The following ANGPT1 variants were observed in gnomAD, a reference collection of about 807,000 sequenced individuals.
ANGPT1 encodes the protein angiopoietin-1.
A neutral mutation model predicts 62.2 loss-of-function variants in ANGPT1; 17 were observed. That is an observed-to-expected ratio of 0.27 (90% CI 0.19 to 0.41). The LOEUF (loss-of-function observed/expected upper bound fraction) is 0.41. Among genes scored for constraint, ANGPT1 ranks in the 10% least tolerant of loss-of-function variants. The pLI is 1.00. For missense variants in ANGPT1, 478 were observed against 594.9 expected, an observed-to-expected ratio of 0.80 and a Z score of 2.04; for synonymous variants, 199 against 198.9, an observed-to-expected ratio of 1.00 and a Z score of 0.00.
intron 1 of ANGPT1, among the ~76,000 whole-genome samples, chr8:107,461,140 C>G (rs1812060875): frequency 6.6e-6 from 1 of 152,126 alleles, no homozygotes; most frequent in South Asian, 2.1e-4. Context: ...TTGTCACTAT[C>G]TTATTTATTT....
At chr8:107,462,350 C>T (rs990127480) in intron 1 of ANGPT1, among the ~76,000 whole-genome samples, 1 of 151,568 alleles carries the variant, frequency 6.6e-6, no homozygotes, top group Non-Finnish European at 1.5e-5. Flanking sequence ...ATAATTCAAG[C>T]CTCTTGTGAA....
In ANGPT1 at chr8:107,381,160, C is replaced by A. The variant is rs376264439; in HGVS notation, c.298-34063G>T. On this transcript the variant is annotated intron_variant, in intron 1 of 8. Coordinates refer to ENST00000517746, the MANE Select transcript of ANGPT1 (RefSeq NM_001146.5). ...CTCTTTCTGGTTTTATTGGAAGTTT[C>A]TTCAAATGGCTGTGGTAAATTTCAA... 5.3e-5 allele frequency among the ~76,000 whole-genome samples: 8 copies of A among 152,260 alleles called. No homozygotes were observed. In the East Asian group the frequency reaches 9.6e-4, roughly 18 times the overall value.
intron 1 of ANGPT1, among the ~76,000 whole-genome samples, chr8:107,377,009 A>G (rs1274213794): frequency 6.6e-6 from 1 of 152,082 alleles, no homozygotes; most frequent in African/African-American, 2.4e-5. Flanking sequence ...ATCACAGCTC[A>G]TCACTGATTA....
At chr8:107,349,376 T>A (rs1432645825) in intron 1 of ANGPT1, among the ~76,000 whole-genome samples, 1 of 152,098 alleles carries the variant, frequency 6.6e-6, no homozygotes, top group Non-Finnish European at 1.5e-5. Flanking sequence ...ACAACCAAGA[T>A]TTTGGATTGT....
In ANGPT1 at chr8:107,261,635, G is replaced by C. The variant is rs185663129; in HGVS notation, c.1336+2586C>G. On this transcript the variant is annotated intron_variant, in intron 8 of 8. Transcript: ENST00000517746. Reference sequence around the variant, plus strand: ...CAGGAGAATGGCAAGAACCCTGGAAGTGGAGCTTGCAGTGAGCCAAGATCG... The same window carrying C: ...CAGGAGAATGGCAAGAACCCTGGAACTGGAGCTTGCAGTGAGCCAAGATCG... 3.6e-3 allele frequency among the ~76,000 whole-genome samples: 550 copies of C among 151,696 alleles called. 5 individuals carry two copies. Among genetic ancestry groups the C allele is most frequent in the African/African-American group, 0.011 (449 of 41,370 alleles).
At chr8:107,386,909 G>A (rs955324326) in intron 1 of ANGPT1, among the ~76,000 whole-genome samples, 1 of 152,040 alleles carries the variant, frequency 6.6e-6, no homozygotes, top group Non-Finnish European at 1.5e-5. Flanking sequence ...CTATGGTAAC[G>A]TGATATAATT....
chr8:107,339,484 T>C (rs1815648090), intron 2 of ANGPT1, among the ~76,000 whole-genome samples: 1 of 152,204 alleles, frequency 6.6e-6, no homozygotes, highest in African/African-American at 2.4e-5. Flanking sequence ...CCTAGATGCA[T>C]GGCTGATTTC....
At chr8:107,322,218 A>G in intron 3 of ANGPT1, 90 bp from the exon 4 acceptor site, 1 of 939,080 alleles carries the variant, frequency 1.1e-6, no homozygotes, top group South Asian at 1.8e-5. Context: ...TTTATTTAAG[A>G]TGAGAAATTT....
chr8:107,447,771 A>C (rs1271883947), intron 1 of ANGPT1, among the ~76,000 whole-genome samples: 3 of 152,186 alleles, frequency 2.0e-5, no homozygotes, highest in Non-Finnish European at 4.4e-5. Context: ...TTGTAGAGTA[A>C]GAGTGTGGAG....
chr8:107,322,183 C>A (rs563819937), intron 3 of ANGPT1, 55 bp from the exon 4 acceptor site: 4 of 1,275,236 alleles, frequency 3.1e-6, no homozygotes, highest in Non-Finnish European at 4.3e-6. Flanking sequence ...ACAAAAAAAC[C>A]CTTATAATTC....
intron 1 of ANGPT1, among the ~76,000 whole-genome samples, chr8:107,457,391 A>C (rs2130468040): frequency 6.6e-6 from 1 of 152,236 alleles, no homozygotes; most frequent in South Asian, 2.1e-4. Flanking sequence ...GAGATAGTCA[A>C]CCAACTAACC....
At chr8:107,254,117 G>A (rs1009633009) in intron 8 of ANGPT1, among the ~76,000 whole-genome samples, 5 of 152,144 alleles carry the variant, frequency 3.3e-5, no homozygotes, top group East Asian at 1.9e-4. Flanking sequence ...CCAAATGACC[G>A]GCGGGTCACT....
At chr8:107,484,422 G>A (rs540460736) in intron 1 of ANGPT1, among the ~76,000 whole-genome samples, 1 of 151,730 alleles carries the variant, frequency 6.6e-6, no homozygotes, top group South Asian at 2.1e-4. Flanking sequence ...TTTGTTTTTG[G>A]AGATAGTCTC....
chr8:107,312,205 G>C (rs1480784644), intron 4 of ANGPT1, among the ~76,000 whole-genome samples: 1 of 152,156 alleles, frequency 6.6e-6, no homozygotes, highest in Admixed American at 6.5e-5. Flanking sequence ...CACCCTGTTG[G>C]GCAGTTACGA....
intron 7 of ANGPT1, among the ~76,000 whole-genome samples, chr8:107,268,528 T>C (rs974483611): frequency 1.3e-4 from 20 of 151,596 alleles, no homozygotes; most frequent in African/African-American, 4.6e-4. Context: ...TATAAAAACA[T>C]GAGCAAGGCA....
intron 1 of ANGPT1, among the ~76,000 whole-genome samples, chr8:107,401,343 T>C (rs1367211143): frequency 6.6e-6 from 1 of 152,178 alleles, no homozygotes; most frequent in Non-Finnish European, 1.5e-5. Flanking sequence ...AGTGTAACAT[T>C]CAGATACAAC....
chr8:107,488,023 A>T (rs1226346453), intron 1 of ANGPT1, among the ~76,000 whole-genome samples: 1 of 152,224 alleles, frequency 6.6e-6, no homozygotes, highest in Non-Finnish European at 1.5e-5. Context: ...ACACTATCAT[A>T]CAATTGTATA....
intron 1 of ANGPT1, among the ~76,000 whole-genome samples, chr8:107,417,543 T>TC (rs386360878): frequency 1.3e-5 from 2 of 152,072 alleles, no homozygotes; most frequent in African/African-American, 2.4e-5. Flanking sequence ...CCATTTTTTT[T>TC]CATCCCCCGT....
At chr8:107,438,832 A>G (rs550310801) in intron 1 of ANGPT1, among the ~76,000 whole-genome samples, 2 of 152,312 alleles carry the variant, frequency 1.3e-5, no homozygotes, top group African/African-American at 4.8e-5. Flanking sequence ...TAGAGAGGGC[A>G]GGATTAATAA....
Sources: allele counts gnomAD v4.1 joint callset (sites outside exome capture counted in the v4.1 genomes callset), GRCh38; gene constraint gnomAD v4.1.1; transcripts MANE v1.5; gene names NCBI Gene and HGNC (gene_info 2026-07-23, HGNC 2026-07-21).